The following CEP63 variants were observed in gnomAD, a reference collection of about 807,000 sequenced individuals.
The protein encoded by CEP63 is centrosomal protein 63, also known as centrosomal protein of 63 kDa.
In CEP63, 84 loss-of-function variants were observed where a neutral mutation model predicts 89.1. That is an observed-to-expected ratio of 0.94 (90% CI 0.79 to 1.13). The LOEUF is 1.13. CEP63 is among the 50% of genes most tolerant of loss of function. CEP63 has a pLI of 0.00. For missense variants in CEP63, 838 were observed against 813.3 expected (o/e 1.03, Z -0.37); for synonymous variants, 267 against 272.5 (o/e 0.98, Z 0.20).
At chr3:134,556,614 C>A (rs1268177140) in intron 12 of CEP63, among the ~76,000 whole-genome samples, 1 of 152,122 alleles carries the variant, frequency 6.6e-6, no homozygotes, top group Non-Finnish European at 1.5e-5. Context: ...AGACTCTTAT[C>A]TTATGCAGTG....
the CEP63 span, among the ~76,000 whole-genome samples, chr3:134,761,733 A>ATC: frequency 1.2e-3 from 140 of 113,948 alleles, no homozygotes; most frequent in Admixed American, 5.3e-3. Context: ...TTGTAAATCA[A>ATC]TCTCTCTCTC....
chr3:134,712,208 G>A, the CEP63 span, among the ~76,000 whole-genome samples: 2 of 152,072 alleles, frequency 1.3e-5, no homozygotes, highest in Non-Finnish European at 2.9e-5. Flanking sequence ...ATTGTGTTGG[G>A]CAGTGGATAA....
rs781063176 is a variant in CEP63, at chr3:134,545,639, A to G, written c.609A>G (p.Gln203=). The G allele has an allele frequency of 4.3e-6, 7 of 1,614,032 alleles. No homozygotes were observed. In the African/African-American group the frequency reaches 9.3e-5, roughly 22 times the overall value. ...TAGAGTCTGTGGAACTTTCTAGCCA[A>G]TCAGAAATTCAACACTTAAGCAGTA... The part of the protein sequence containing the change: ...QKLESVELSS[Q]SEIQHLSSKL... The change falls in exon 7 of 15, where the codon CAA becomes CAG. Residue 203 remains glutamine, a synonymous_variant. Coordinates refer to ENST00000675561, the MANE Select transcript of CEP63 (RefSeq NM_001353108.3).
In CEP63 at chr3:134,562,156, T is replaced by G. The variant is rs200230959; in HGVS notation, c.*621T>G. ...GGCAGGGAGGGCAAGGGACTGGCTG[T>G]CATGCACGGTGCCCATGGAATATCC... On this transcript the variant is annotated 3_prime_UTR_variant, in exon 15 of 15. Transcript: ENST00000675561. 1 of 987,486 alleles carries G rather than the reference T, an allele frequency of 1.0e-6. No individual in the cohort carries two copies. Among genetic ancestry groups the G allele is most frequent in the Non-Finnish European group, 1.2e-6 (1 of 831,362 alleles). 61.2% of individuals were successfully genotyped at this position (987,486 alleles called of 1,614,324 possible). A position where few individuals can be genotyped will look rare whatever the true frequency, so the allele number is the denominator to read the frequency against.
At chr3:134,655,995 T>C in the CEP63 span, among the ~76,000 whole-genome samples, 1 of 152,222 alleles carries the variant, frequency 6.6e-6, no homozygotes, top group Non-Finnish European at 1.5e-5. Flanking sequence ...TGTGTTGTGA[T>C]AGTTCCATAC....
At position 134,538,565 on chromosome 3, in the gene CEP63, A is replaced by ATATATATATATATATATGTATATATAT. The variant is rs1559978963; in HGVS notation, c.555+1298_555+1299insATATATATATATATATGTATATATATT. Among the ~76,000 whole-genome samples the ATATATATATATATATATGTATATATAT allele has an allele frequency of 5.1e-5, 7 of 138,240 alleles. No homozygotes were observed. The East Asian group carries it at 1.5e-3, about 29-fold the overall frequency. 90.7% of individuals were successfully genotyped at this position (138,240 alleles called of 152,430 possible). On this transcript the variant is annotated intron_variant, in intron 6 of 14. Coordinates refer to ENST00000675561, the MANE Select transcript of CEP63 (RefSeq NM_001353108.3). Reference sequence around the variant, plus strand: ...TATATATATATATATGTATATATATATTTTTTTAACAACAAAAAATTTTTT... The same window carrying ATATATATATATATATATGTATATATAT: ...TATATATATATATATGTATATATATATATATATATATATATATGTATATATATTTTTTTTAACAACAAAAAATTTTTT...
the CEP63 span, among the ~76,000 whole-genome samples, chr3:134,660,113 T>A: frequency 2.9e-4 from 44 of 152,376 alleles, no homozygotes; most frequent in African/African-American, 9.9e-4. Flanking sequence ...TCTCTTTCCA[T>A]AATTCACAGA....
At chr3:134,763,443 G>T in the CEP63 span, among the ~76,000 whole-genome samples, 1 of 152,158 alleles carries the variant, frequency 6.6e-6, no homozygotes, top group African/African-American at 2.4e-5. Flanking sequence ...TTCAGGACAC[G>T]CCAGCACTAT....
chr3:134,551,080 A>G (rs1009552893), intron 11 of CEP63, among the ~76,000 whole-genome samples: 5 of 152,202 alleles, frequency 3.3e-5, no homozygotes, highest in Non-Finnish European at 7.3e-5. Flanking sequence ...TTGGTGAAGG[A>G]TGATGAATTT....
At chr3:134,769,957 T>G in the CEP63 span, among the ~76,000 whole-genome samples, 1 of 152,256 alleles carries the variant, frequency 6.6e-6, no homozygotes, top group Non-Finnish European at 1.5e-5. Context: ...GAGATCTCTA[T>G]CAGGCCAGCT....
In CEP63 at chr3:134,586,481, G is replaced by A. The variant is rs1292474148; in HGVS notation, c.1207-977G>A. Reference sequence around the variant, plus strand: ...TAGTTTGGCTGGAAATGAAATTCTGGGTTGGAAATTGTTTTCTTTAAGAAT... The same window carrying A: ...TAGTTTGGCTGGAAATGAAATTCTGAGTTGGAAATTGTTTTCTTTAAGAAT... On this transcript the variant is annotated intron_variant, in intron 10 of 10. Coordinates refer to the CEP63 transcript ENST00000683931. Among the ~76,000 whole-genome samples the A allele has an allele frequency of 2.6e-5, 4 of 152,270 alleles. No homozygotes were observed. The South Asian group carries it at 6.2e-4, about 24-fold the overall frequency.
the CEP63 span, among the ~76,000 whole-genome samples, chr3:134,720,579 G>A: frequency 4.6e-5 from 7 of 152,020 alleles, no homozygotes; most frequent in African/African-American, 1.7e-4. Context: ...TTTCCTCTGA[G>A]AGTTTTATGG....
intron 13 of CEP63, among the ~76,000 whole-genome samples, chr3:134,558,745 T>A (rs1956761526): frequency 6.6e-6 from 1 of 152,230 alleles, no homozygotes; most frequent in South Asian, 2.1e-4. Context: ...AAAAGCCACT[T>A]GGCTTCAGCT....
the CEP63 span, among the ~76,000 whole-genome samples, chr3:134,661,045 C>A: frequency 6.6e-6 from 1 of 152,122 alleles, no homozygotes; most frequent in East Asian, 1.9e-4. Context: ...TTCCTCACCA[C>A]CCCCATCTTT....
the CEP63 span, chr3:134,625,023 GC>G: frequency 1.9e-6 from 3 of 1,560,532 alleles, no homozygotes; most frequent in South Asian, 3.5e-5. Context: ...CCTTGAAGGG[GC>G]CCATGGTCAG....
chr3:134,735,464 A>G, the CEP63 span, among the ~76,000 whole-genome samples: 19 of 152,170 alleles, frequency 1.2e-4, no homozygotes, highest in Non-Finnish European at 2.8e-4. Context: ...GCCATTTTAA[A>G]CAGCAAAATC....
At chr3:134,763,731 T>C in the CEP63 span, among the ~76,000 whole-genome samples, 1 of 152,240 alleles carries the variant, frequency 6.6e-6, no homozygotes, top group South Asian at 2.1e-4. Context: ...ATCTGAGATG[T>C]TGACCTTGGT....
intron 10 of CEP63, among the ~76,000 whole-genome samples, chr3:134,586,898 T>A (rs917704045): frequency 1.6e-4 from 25 of 152,350 alleles, no homozygotes; most frequent in African/African-American, 6.0e-4. Context: ...TTCTTTTTAC[T>A]CTTTTTTCTC....
chr3:134,602,749 C>T, the CEP63 span, among the ~76,000 whole-genome samples: 1 of 152,164 alleles, frequency 6.6e-6, no homozygotes, highest in Non-Finnish European at 1.5e-5. Flanking sequence ...GACTGAACTA[C>T]CTGCCCTGTG....
Sources: allele counts gnomAD v4.1 joint callset (sites outside exome capture counted in the v4.1 genomes callset), GRCh38; gene constraint gnomAD v4.1.1; transcripts MANE v1.5; gene names NCBI Gene and HGNC (gene_info 2026-07-23, HGNC 2026-07-21).